SDK1: variants seen among roughly 807,000 people sequenced by gnomAD.
SDK1 encodes sidekick cell adhesion molecule 1.
In SDK1, 157 loss-of-function variants were observed where a neutral mutation model predicts 245.5. That is an observed-to-expected ratio of 0.64 (90% CI 0.56 to 0.73). The LOEUF is 0.73. SDK1 is among the 30% of genes least tolerant of loss of function. SDK1 has a pLI of 0.00. For synonymous variants in SDK1, 1,647 were observed against 1,278.5 expected, an observed-to-expected ratio of 1.29 and a Z score of -6.15; for missense variants, 3,583 against 3,002.3, an observed-to-expected ratio of 1.19 and a Z score of -4.52.
intron 1 of SDK1, among the ~76,000 whole-genome samples, chr7:3,617,911 A>T (rs1329769025): frequency 6.6e-6 from 1 of 152,168 alleles, no homozygotes; most frequent in Non-Finnish European, 1.5e-5. Context: ...GCTTGGGTTT[A>T]AATGTGCAAG....
At chr7:4,256,990 C>T (rs979366719) in intron 44 of SDK1, among the ~76,000 whole-genome samples, 3 of 152,194 alleles carry the variant, frequency 2.0e-5, no homozygotes, top group African/African-American at 7.2e-5. Context: ...AAGTGTCACA[C>T]GACGCATGCT....
chr7:3,309,793 G>A (rs189198920), intron 1 of SDK1, among the ~76,000 whole-genome samples: 10 of 152,106 alleles, frequency 6.6e-5, no homozygotes, highest in East Asian at 5.8e-4. Context: ...TGTATTTGCC[G>A]GCCAAAGGTA....
intron 22 of SDK1, among the ~76,000 whole-genome samples, chr7:4,107,481 T>C (rs1290013867): frequency 6.7e-6 from 1 of 149,362 alleles, no homozygotes; most frequent in African/African-American, 2.5e-5. Context: ...TTTTTCTTCC[T>C]TTCTTCTTCT....
Position 3,639,101 on chromosome 7 carries a change from C to A in SDK1, c.556C>A (p.Gln186Lys), listed in dbSNP as rs770617948. Residue 186 changes from glutamine (Q) to lysine (K), a missense_variant, in exon 3 of 45, where the codon CAA (glutamine) becomes AAA (lysine). Coordinates refer to ENST00000404826, the MANE Select transcript of SDK1 (RefSeq NM_152744.4). ...ACTCCTGCAAAGAAAATCAGAAGTT[C>A]AAGTCGCATGTATGTGTACAGTAAG... Reference protein sequence around the residue: ...GALLQRKSEVQVAYMGSFMDT... With the variant: ...GALLQRKSEVKVAYMGSFMDT... The A allele has an allele frequency of 2.5e-6, 4 of 1,593,568 alleles. No homozygotes were observed. The Admixed American group carries it at 5.0e-5, about 20-fold the overall frequency.
intron 1 of SDK1, among the ~76,000 whole-genome samples, chr7:3,548,088 A>G (rs190768511): frequency 6.6e-6 from 1 of 152,292 alleles, no homozygotes; most frequent in African/African-American, 2.4e-5. Context: ...CAACTGTAAA[A>G]CACATACTAT....
chr7:4,097,862 C>T (rs1782262006), intron 22 of SDK1, among the ~76,000 whole-genome samples: 1 of 152,146 alleles, frequency 6.6e-6, no homozygotes, highest in Non-Finnish European at 1.5e-5. Flanking sequence ...TCTGAATAGT[C>T]ATTCGCACAT....
intron 1 of SDK1, among the ~76,000 whole-genome samples, chr7:3,501,790 T>C (rs556341972): frequency 4.6e-5 from 7 of 152,336 alleles, no homozygotes; most frequent in African/African-American, 1.2e-4. Flanking sequence ...ACTATCAGTA[T>C]GTTCTCACAA....
chr7:4,264,669 G>A (rs1209672885), intron 44 of SDK1, among the ~76,000 whole-genome samples: 1 of 145,368 alleles, frequency 6.9e-6, no homozygotes, highest in East Asian at 2.0e-4. Context: ...TCTCCTGAGT[G>A]AGGGAGGCTG....
intron 5 of SDK1, among the ~76,000 whole-genome samples, chr7:3,890,470 C>G (rs1781433053): frequency 6.6e-6 from 1 of 152,154 alleles, no homozygotes; most frequent in South Asian, 2.1e-4. Context: ...TTTCTTTGTA[C>G]TTTATTCAAC....
chr7:3,684,591 A>G (rs922259704), intron 4 of SDK1, among the ~76,000 whole-genome samples: 6 of 152,256 alleles, frequency 3.9e-5, no homozygotes, highest in Non-Finnish European at 8.8e-5. Context: ...ATATACCTGA[A>G]GACCATTTAT....
At chr7:3,983,950 A>G (rs186538817) in intron 13 of SDK1, among the ~76,000 whole-genome samples, 50 of 152,324 alleles carry the variant, frequency 3.3e-4, no homozygotes, top group African/African-American at 1.1e-3. Context: ...GGGCACTGCC[A>G]GGCGGGTAGC....
chr7:4,114,356 A>G (rs1187929760), intron 25 of SDK1, 82 bp downstream of exon 25: 2 of 1,121,420 alleles, frequency 1.8e-6, no homozygotes, highest in East Asian at 5.1e-5. Flanking sequence ...ATCCCAGGCT[A>G]GTGGCGTCTC....
In SDK1 at chr7:3,962,721, T is replaced by G. The variant is rs1371650295; in HGVS notation, c.1299T>G (p.Pro433=). 6.2e-7 allele frequency: 1 copy of G among 1,613,686 alleles called. No individual in the cohort carries two copies. The highest frequency in any genetic ancestry group is 8.5e-7 in the Non-Finnish European group (1 of 1,179,880). ...DAISISRLQN[P]RYKVLASGGL... ...TCTCCATCAGCAGGCTCCAGAATCC[T>G]CGATACAAAGTGCTCGCCAGCGGAG... The change falls in exon 9 of 45, where the codon CCT becomes CCG. Residue 433 remains proline (P), a synonymous_variant. Coordinates refer to ENST00000404826, the MANE Select transcript of SDK1 (RefSeq NM_152744.4).
At position 3,808,744 on chromosome 7, in the gene SDK1, A is replaced by G. The variant is rs554243977; in HGVS notation, c.714-12706A>G. 2.6e-5 allele frequency among the ~76,000 whole-genome samples: 4 copies of G among 152,276 alleles called. No homozygotes were observed. The South Asian group carries it at 8.3e-4, about 32-fold the overall frequency. ...GTACTTGTTTTCCAGAACAGTGTCC[A>G]TCGTCACAGAGAGTGATGGCACTGG... On this transcript the variant is annotated intron_variant, in intron 4 of 44. Coordinates refer to ENST00000404826, the MANE Select transcript of SDK1 (RefSeq NM_152744.4).
At chr7:3,432,127 A>ATT (rs1488839809) in intron 1 of SDK1, among the ~76,000 whole-genome samples, 1 of 147,090 alleles carries the variant, frequency 6.8e-6, no homozygotes, top group Non-Finnish European at 1.5e-5. Context: ...AAAAAAAAAT[A>ATT]TATATATGTA....
chr7:3,393,973 C>A (rs1391578395), intron 1 of SDK1, among the ~76,000 whole-genome samples: 1 of 152,054 alleles, frequency 6.6e-6, no homozygotes, highest in African/African-American at 2.4e-5. Flanking sequence ...TTATTTGTAC[C>A]CATCCTTCTT....
At chr7:3,468,641 G>A (rs943934931) in intron 1 of SDK1, among the ~76,000 whole-genome samples, 2 of 140,712 alleles carry the variant, frequency 1.4e-5, no homozygotes, top group African/African-American at 6.2e-5. Flanking sequence ...CAGAAGGAAG[G>A]AGTATTGAAT....
At chr7:3,643,515 C>G (rs10230406) in intron 4 of SDK1, 1 of 144,538 alleles carries the variant, frequency 6.9e-6, no homozygotes, top group African/African-American at 2.6e-5. Context: ...GGAATTCCTT[C>G]CGTAAACCTC....
In SDK1 at chr7:4,145,764, C is replaced by G; in HGVS notation, c.4271C>G (p.Thr1424Ser). 1 of 1,612,972 alleles carries G rather than the reference C, an allele frequency of 6.2e-7. No individual in the cohort carries two copies. Among genetic ancestry groups the G allele is most frequent in the Non-Finnish European group, 8.5e-7 (1 of 1,179,544 alleles). Residue 1424 changes from threonine (T) to serine (S), a missense_variant, in exon 29 of 45, where the codon ACC (threonine) becomes AGC (serine). Physicochemically the swap from Thr to Ser is moderately conservative, Grantham distance 58. Coordinates refer to ENST00000404826, the MANE Select transcript of SDK1 (RefSeq NM_152744.4). ...CGCCTGGCCAGCAGCAGCCCCCACA[C>G]CTTCACCACCGTGGAGGTCGGCGCC... ...AYRLASSSPH[T>S]FTTVEVGATV...
Sources: allele counts gnomAD v4.1 joint callset (sites outside exome capture counted in the v4.1 genomes callset), GRCh38; gene constraint gnomAD v4.1.1; transcripts MANE v1.5; gene names NCBI Gene and HGNC (gene_info 2026-07-23, HGNC 2026-07-21).